Variants in COL2A1 observed in about 807,000 individuals in gnomAD.
COL2A1 encodes collagen type II alpha 1 chain, also known as collagen alpha-1(II) chain.
COL2A1 carries 28 observed loss-of-function variants against 204.5 expected under a neutral mutation model. The ratio of observed to expected loss-of-function variants is 0.14; its 90% CI spans 0.10 to 0.19. The LOEUF is 0.19. COL2A1 is among the 10% of genes least tolerant of loss of function. The pLI is 1.00. For synonymous variants in COL2A1, 708 were observed against 718.7 expected (o/e 0.99, Z 0.24); for missense variants, 1,388 against 2,027.5 (o/e 0.68, Z 6.06).
Position 47,980,419 on chromosome 12 carries a change from G to T in COL2A1, c.2625+135C>A. On this transcript the variant is annotated intron_variant, in intron 39 of 53. Coordinates refer to ENST00000380518, the MANE Select transcript of COL2A1 (RefSeq NM_001844.5). The surrounding 1 kb of genome is among the most constrained non-coding windows in gnomAD (Gnocchi z 4.5). The stretch of plus-strand genomic sequence containing the variant: ...CACCCACACAGCCCACATGCCACAT[G>T]GAAGCTCCTTCTACCAACATGGGGG... 1.2e-6 allele frequency: 1 copy of T among 842,296 alleles called. No homozygotes were observed. The allele number at this position is 842,296 out of a possible 1,614,324, so 52.2% of individuals were successfully genotyped here.
At chr12:47,977,749 T>G in intron 44 of COL2A1, 96 bp from the exon 45 acceptor site, 1 of 1,359,500 alleles carries the variant, frequency 7.4e-7, no homozygotes, top group Non-Finnish European at 1.0e-6. Flanking sequence ...GCCTCTCCTC[T>G]TCTGCCCAAC....
intron 22 of COL2A1, 79 bp downstream of exon 22, chr12:47,986,756 G>A (rs979211039): frequency 7.3e-6 from 11 of 1,504,396 alleles, no homozygotes; most frequent in African/African-American, 4.1e-5. Context: ...GAGGAGGGAG[G>A]TGGTGGGTCA....
At position 47,980,933 on chromosome 12, in the gene COL2A1, C is replaced by T. The variant is rs779244918; in HGVS notation, c.2499G>A (p.Ala833=). 17 of 1,552,486 alleles carry T rather than the reference C, an allele frequency of 1.1e-5. No individual in the cohort carries two copies. Among genetic ancestry groups the T allele is most frequent in the Admixed American group, 5.9e-5 (3 of 51,182 alleles). The change falls in exon 38 of 54, where the codon GCG becomes GCA. Residue 833 remains alanine (A), a synonymous_variant. Coordinates refer to ENST00000380518, the MANE Select transcript of COL2A1 (RefSeq NM_001844.5). The surrounding 1 kb of genome is among the most constrained non-coding windows in gnomAD (Gnocchi z 4.5). ...ERGETGPPGP[A]GFAGPPGADG... The stretch of plus-strand genomic sequence containing the variant: ...TACTCACAGGAGGCCCAGCAAATCC[C>T]GCTGGTCCGGGGGGCCCAGTCTCTC...
At position 47,978,775 on chromosome 12, in the gene COL2A1, CG is replaced by C. The variant is rs759834202; in HGVS notation, c.2734-18del. 1.2e-6 allele frequency: 2 copies of C among 1,610,938 alleles called. No homozygotes were observed. Among genetic ancestry groups the C allele is most frequent in the South Asian group, 2.2e-5 (2 of 91,018 alleles). On this transcript the variant is annotated intron_variant, in intron 41 of 53. Coordinates refer to ENST00000380518, the MANE Select transcript of COL2A1 (RefSeq NM_001844.5). This position sits in a 1 kb window ranked among gnomAD's most constrained non-coding sequence, Gnocchi z 5.5. Reference sequence around the variant, plus strand: ...AGGGTTGCCCTAGAAGGAGAAAATGCGGGAAGTGAGGACTCATCTCACCCTT... The same window carrying C: ...AGGGTTGCCCTAGAAGGAGAAAATGCGGAAGTGAGGACTCATCTCACCCTT...
intron 12 of COL2A1, 91 bp from the exon 13 acceptor site, chr12:47,994,138 G>T: frequency 7.0e-7 from 1 of 1,427,852 alleles, no homozygotes; most frequent in Non-Finnish European, 9.9e-7. Context: ...GTTCCCTTGG[G>T]CCACCAGGGC....
chr12:47,987,720 A>T lies in COL2A1; in HGVS notation c.1123-11T>A. Reference sequence around the variant, plus strand: ...GGGGCCGGCTTCACCCTGGGAAGAGACAGGGAGGATGAAATGAAGAAGAAG... The same window carrying T: ...GGGGCCGGCTTCACCCTGGGAAGAGTCAGGGAGGATGAAATGAAGAAGAAG... On this transcript the variant is annotated splice_polypyrimidine_tract_variant and intron_variant, in intron 18 of 53. Transcript: ENST00000380518. The surrounding 1 kb of genome is among the most constrained non-coding windows in gnomAD (Gnocchi z 4.1). The T allele has an allele frequency of 3.7e-6, 6 of 1,601,526 alleles. No homozygotes were observed. The highest frequency in any genetic ancestry group is 5.1e-6 in the Non-Finnish European group (6 of 1,171,254).
chr12:47,979,922 G>T, intron 40 of COL2A1, 87 bp downstream of exon 40: 1 of 1,133,578 alleles, frequency 8.8e-7, no homozygotes, highest in Non-Finnish European at 1.2e-6. Flanking sequence ...AACAGTCGGG[G>T]GCATCCCAGA....
chr12:48,004,620 G>A, upstream of COL2A1: 1 of 293,664 alleles, frequency 3.4e-6, no homozygotes, highest in Non-Finnish European at 6.4e-6. Context: ...GGCCCTGCCA[G>A]TGCCCGCACC....
chr12:48,005,299 C>G (rs1940426329), upstream of COL2A1: 1 of 153,088 alleles, frequency 6.5e-6, no homozygotes, highest in Admixed American at 6.5e-5. Flanking sequence ...CGGAGGGAGC[C>G]GAGACTAAAC....
intron 28 of COL2A1, 65 bp from the exon 29 acceptor site, chr12:47,984,205 A>T: frequency 6.7e-7 from 1 of 1,486,032 alleles, no homozygotes; most frequent in Non-Finnish European, 9.3e-7. Flanking sequence ...TCCCCCTAGG[A>T]TTGGGCAAAG....
At position 47,985,234 on chromosome 12, in the gene COL2A1, C is replaced by T. The variant is rs528382276; in HGVS notation, c.1735-141G>A. ...AGCATCTAGGATTGACCACATCACA[C>T]CCATGGGCCCATCTACAACAAGACA... On this transcript the variant is annotated intron_variant, in intron 26 of 53. Transcript: ENST00000380518. 99 of 744,506 alleles carry T rather than the reference C, an allele frequency of 1.3e-4. 1 individual carries two copies. In the African/African-American group the frequency reaches 1.5e-3, roughly 11 times the overall value. 46.1% of individuals were successfully genotyped at this position (744,506 alleles called of 1,614,324 possible).
At position 47,977,299 on chromosome 12, in the gene COL2A1, TA is replaced by T. The variant is rs1938772579; in HGVS notation, c.3273+20del. ...CCACCGCGCAGGGGAAGGCGGCTTT[TA>T]CTGAATTCAGGATACTTACAGCTTC... On this transcript the variant is annotated intron_variant, in intron 46 of 53. Coordinates refer to ENST00000380518, the MANE Select transcript of COL2A1 (RefSeq NM_001844.5). 1.7e-5 allele frequency: 28 copies of T among 1,604,200 alleles called. No individual in the cohort carries two copies. The highest frequency in any genetic ancestry group is 2.3e-5 in the Non-Finnish European group (27 of 1,171,002).
At chr12:47,983,496 GGGA>G in intron 30 of COL2A1, 58 bp from the exon 31 acceptor site, 1 of 1,571,722 alleles carries the variant, frequency 6.4e-7, no homozygotes, top group Non-Finnish European at 8.7e-7. Flanking sequence ...CTGGCCCCCA[GGGA>G]GGCACAGTAT....
Position 47,977,966 on chromosome 12 carries a change from C to T in COL2A1, c.3111+44G>A, listed in dbSNP as rs769796542. The T allele has an allele frequency of 1.4e-5, 22 of 1,540,480 alleles. No homozygotes were observed. In the East Asian group the frequency reaches 2.7e-4, roughly 19 times the overall value. Reference sequence around the variant, plus strand: ...GACCCAGCACAGAGACTCACAGGGCCCCTCTCCCCAATCAGGGCCACCCCA... The same window carrying T: ...GACCCAGCACAGAGACTCACAGGGCTCCTCTCCCCAATCAGGGCCACCCCA... On this transcript the variant is annotated intron_variant, in intron 44 of 53. Transcript: ENST00000380518.
intron 29 of COL2A1, 120 bp downstream of exon 29, chr12:47,983,967 G>T: frequency 9.9e-7 from 1 of 1,014,244 alleles, no homozygotes; most frequent in Non-Finnish European, 1.5e-6. Context: ...GAGTGAGTCT[G>T]GTGTATCAGC....
At chr12:47,999,706 G>T (rs2136635781) in intron 2 of COL2A1, 2 of 459,160 alleles carry the variant, frequency 4.4e-6, no homozygotes, top group Non-Finnish European at 7.6e-6. Flanking sequence ...TTTTGGAGAT[G>T]TTGGGCAAAG....
In COL2A1 at chr12:47,975,680, T is replaced by C. The variant is rs573492782; in HGVS notation, c.3598-75A>G. On this transcript the variant is annotated intron_variant, in intron 50 of 53. Coordinates refer to ENST00000380518, the MANE Select transcript of COL2A1 (RefSeq NM_001844.5). ...CCATGTCCATCCCCATTTGCTAGAATGTACTAGAGTGTCCCTCTTCCCAGC... is the reference window on the plus strand; with the variant it reads ...CCATGTCCATCCCCATTTGCTAGAACGTACTAGAGTGTCCCTCTTCCCAGC... The C allele has an allele frequency of 1.5e-5, 22 of 1,496,384 alleles. No individual in the cohort carries two copies. In the South Asian group the frequency reaches 2.1e-4, roughly 14 times the overall value. The allele number at this position is 1,496,384 out of a possible 1,614,324, so 92.7% of individuals were successfully genotyped here.
chr12:47,992,810 A>G (rs770638267), intron 16 of COL2A1, 68 bp downstream of exon 16: 21 of 1,535,082 alleles, frequency 1.4e-5, no homozygotes, highest in Non-Finnish European at 1.8e-5. Context: ...TCGAGGGTCA[A>G]GAGAAACAAA....
chr12:47,995,324 G>T lies in COL2A1; in HGVS notation c.709-16C>A, dbSNP rs1434955965. The T allele has an allele frequency of 6.2e-7, 1 of 1,609,420 alleles. No individual in the cohort carries two copies. The highest frequency in any genetic ancestry group is 2.2e-5 in the East Asian group (1 of 44,876). On this transcript the variant is annotated splice_polypyrimidine_tract_variant and intron_variant, in intron 10 of 53. Transcript: ENST00000380518. ...CCATGGGACCCTACAAACAAAGGAA[G>T]ATAGTTTAAGAGATGGTTATAGTGG...
Sources: gnomAD v4.1 joint callset for allele counts on GRCh38, gnomAD v4.1.1 for gene constraint, Gnocchi (gnomAD v3.1) non-coding constraint, MANE v1.5 for transcripts, NCBI Gene and HGNC (gene_info 2026-07-23, HGNC 2026-07-21) for gene names.